Variants in PDE3A observed in about 807,000 individuals in gnomAD.
PDE3A encodes the protein cGMP-inhibited 3',5'-cyclic phosphodiesterase 3A.
PDE3A carries 43 observed loss-of-function variants against 98.3 expected under a neutral mutation model. The observed-to-expected ratio is 0.44, with a 90% CI of 0.34 to 0.56. PDE3A has a LOEUF of 0.56. Among genes scored for constraint, PDE3A ranks in the 20% least tolerant of loss-of-function variants. The probability of loss-of-function intolerance (pLI) is 0.01; values close to 1 mark genes in which losing one functional copy is unlikely to be tolerated. For missense variants in PDE3A, 1,427 were observed against 1,440.7 expected (o/e 0.99, Z 0.15); for synonymous variants, 663 against 567.9 (o/e 1.17, Z -2.38).
chr12:20,438,742 C>G (rs1241732511), intron 1 of PDE3A, among the ~76,000 whole-genome samples: 2 of 150,876 alleles, frequency 1.3e-5, no homozygotes, highest in East Asian at 3.9e-4. Context: ...TTCGTGGATT[C>G]TCTTGTCACT....
chr12:20,377,047 C>T (rs568023158), intron 1 of PDE3A, among the ~76,000 whole-genome samples: 5 of 151,686 alleles, frequency 3.3e-5, no homozygotes, highest in African/African-American at 1.2e-4. Context: ...ACAGGGGGCA[C>T]ATATTGTTTG....
chr12:20,458,174 A>G (rs1945185343), intron 1 of PDE3A, among the ~76,000 whole-genome samples: 1 of 152,072 alleles, frequency 6.6e-6, no homozygotes, highest in Admixed American at 6.6e-5. Flanking sequence ...AAGTACAAAG[A>G]GCAGTGCTTG....
At chr12:20,440,541 A>G (rs1330247188) in intron 1 of PDE3A, among the ~76,000 whole-genome samples, 1 of 152,102 alleles carries the variant, frequency 6.6e-6, no homozygotes, top group East Asian at 1.9e-4. Context: ...TTCTATTCAT[A>G]TTTCTTTTCA....
chr12:20,460,827 C>A (rs186316623), intron 1 of PDE3A, among the ~76,000 whole-genome samples: 16 of 152,274 alleles, frequency 1.1e-4, no homozygotes, highest in South Asian at 4.1e-4. Context: ...CCTGCTCCCC[C>A]CTTTTCATGG....
At chr12:20,636,880 T>A (rs1055242233) in intron 8 of PDE3A, among the ~76,000 whole-genome samples, 9 of 152,188 alleles carry the variant, frequency 5.9e-5, no homozygotes, top group Non-Finnish European at 1.0e-4. Flanking sequence ...CACCTAATAG[T>A]GCAAAATTTA....
intron 14 of PDE3A, among the ~76,000 whole-genome samples, chr12:20,652,508 A>T (rs1191569805): frequency 2.0e-5 from 3 of 152,076 alleles, no homozygotes; most frequent in Non-Finnish European, 2.9e-5. Flanking sequence ...TTTGCATTTC[A>T]CTGATGGCCA....
intron 1 of PDE3A, among the ~76,000 whole-genome samples, chr12:20,509,112 C>T (rs1175714780): frequency 6.6e-6 from 1 of 151,968 alleles, no homozygotes; most frequent in Non-Finnish European, 1.5e-5. Context: ...TTCTCAGAAA[C>T]GCAGATTCAA....
At chr12:20,625,266 A>G (rs367942264) in intron 5 of PDE3A, among the ~76,000 whole-genome samples, 2 of 152,266 alleles carry the variant, frequency 1.3e-5, no homozygotes, top group South Asian at 4.1e-4. Context: ...TGTATTTTCA[A>G]TTTTGCTCTT....
chr12:20,382,133 A>T (rs910078682), intron 1 of PDE3A, among the ~76,000 whole-genome samples: 2 of 151,902 alleles, frequency 1.3e-5, no homozygotes, highest in African/African-American at 4.8e-5. Flanking sequence ...TAAAATGCAG[A>T]CGTTTAAATA....
intron 15 of PDE3A, among the ~76,000 whole-genome samples, chr12:20,658,710 A>G (rs1945095352): frequency 6.6e-6 from 1 of 152,186 alleles, no homozygotes; most frequent in Non-Finnish European, 1.5e-5. Flanking sequence ...CTGCTGGCCT[A>G]CCTTTCTTCT....
chr12:20,409,080 A>G (rs1591899681), intron 1 of PDE3A, among the ~76,000 whole-genome samples: 1 of 152,196 alleles, frequency 6.6e-6, no homozygotes, highest in East Asian at 1.9e-4. Flanking sequence ...AACTATTGAC[A>G]GAAGTGGAGG....
rs565791020 is a variant in PDE3A at position 20,517,924 on chromosome 12, T to C, written c.961-38736T>C. On this transcript the variant is annotated intron_variant, in intron 1 of 15. Coordinates refer to ENST00000359062, the MANE Select transcript of PDE3A (RefSeq NM_000921.5). ...ATGTAGCCCACAGAAATCCACTTAG[T>C]AACACCCGTTTACAAAGAGACTCCT... Among the ~76,000 whole-genome samples, 21 of 152,278 alleles carry C rather than the reference T, an allele frequency of 1.4e-4. 1 individual carries two copies. The highest frequency in any genetic ancestry group is 4.8e-4 in the African/African-American group (20 of 41,564).
intron 2 of PDE3A, among the ~76,000 whole-genome samples, chr12:20,562,592 C>A (rs1278577943): frequency 6.6e-6 from 1 of 151,964 alleles, no homozygotes; most frequent in African/African-American, 2.4e-5. Context: ...TTACTTATCA[C>A]TTAGTGGAGG....
rs528376790 is a variant in PDE3A at position 20,447,322 on chromosome 12, G to T, written c.960+77078G>T. Among the ~76,000 whole-genome samples, 377 of 152,324 alleles carry T rather than the reference G, an allele frequency of 2.5e-3. 2 individuals are homozygous for T. The highest frequency in any genetic ancestry group is 3.8e-3 in the Non-Finnish European group (259 of 68,024). The stretch of plus-strand genomic sequence containing the variant: ...CTGTCATACAGCTCCTAAAACCCTT[G>T]ATAAGAATATCCTTTGTGTGCTAAT... On this transcript the variant is annotated intron_variant, in intron 1 of 15. Coordinates refer to ENST00000359062, the MANE Select transcript of PDE3A (RefSeq NM_000921.5).
intron 1 of PDE3A, among the ~76,000 whole-genome samples, chr12:20,417,240 A>C (rs1275534995): frequency 6.6e-6 from 1 of 152,162 alleles, no homozygotes; most frequent in Non-Finnish European, 1.5e-5. Flanking sequence ...TACTTTTTCA[A>C]AAAATACATT....
rs1452368322 is a variant in PDE3A at position 20,680,795 on chromosome 12, A to G, written c.*524A>G. 1.3e-5 allele frequency: 2 copies of G among 150,770 alleles called. No homozygotes were observed. The highest frequency in any genetic ancestry group is 2.5e-5 in the African/African-American group (1 of 40,162). The allele number at this position is 150,770 out of a possible 1,614,324, so 9.3% of individuals were successfully genotyped here. A position where few individuals can be genotyped will look rare whatever the true frequency, so the allele number is the denominator to read the frequency against. On this transcript the variant is annotated 3_prime_UTR_variant, in exon 16 of 16. Transcript: ENST00000359062. The stretch of plus-strand genomic sequence containing the variant: ...TACTGAGGGATGAAAGTTCCAGAGC[A>G]TTATTTGAATTCTGATACATCCTGC...
In PDE3A at chr12:20,606,125, G is replaced by C. The variant is rs1943704860; in HGVS notation, c.1012-7318G>C. 2.0e-5 allele frequency among the ~76,000 whole-genome samples: 3 copies of C among 151,962 alleles called. No homozygotes were observed. The South Asian group carries it at 6.2e-4, about 32-fold the overall frequency. On this transcript the variant is annotated intron_variant, in intron 2 of 15. Transcript: ENST00000359062. ...TCATTTTAAAGAATAAATTTATGTT[G>C]ACCCTACCATTTCTCCAGTCTTTTT...
chr12:20,459,323 T>A (rs1945207175), intron 1 of PDE3A, among the ~76,000 whole-genome samples: 1 of 152,162 alleles, frequency 6.6e-6, no homozygotes, highest in Admixed American at 6.6e-5. Context: ...CTAGGATAGT[T>A]GTGAAATCTT....
intron 1 of PDE3A, among the ~76,000 whole-genome samples, chr12:20,420,543 TTGAAC>T (rs1287990839): frequency 1.3e-5 from 2 of 152,054 alleles, no homozygotes; most frequent in Non-Finnish European, 2.9e-5. Flanking sequence ...GGCAGGAAGT[TTGAAC>T]TGACTGCTGA....
Sources: gnomAD v4.1 joint callset for allele counts (sites outside exome capture counted in the v4.1 genomes callset) on GRCh38, gnomAD v4.1.1 for gene constraint, MANE v1.5 for transcripts, NCBI Gene and HGNC (gene_info 2026-07-23, HGNC 2026-07-21) for gene names.